RGS7: variants seen among roughly 807,000 people sequenced by gnomAD.
RGS7 encodes the protein regulator of G-protein signaling 7.
RGS7 carries 27 observed loss-of-function variants against 81.1 expected under a neutral mutation model. That is an observed-to-expected ratio of 0.33 (90% confidence interval 0.25 to 0.46). The LOEUF (loss-of-function observed/expected upper bound fraction) is 0.46. Ranked by LOEUF, RGS7 falls within the 20% of genes least tolerant of loss-of-function variation. The probability of loss-of-function intolerance (pLI) is 1.00; values close to 1 mark genes in which losing one functional copy is unlikely to be tolerated. For missense variants in RGS7, 396 were observed against 607.4 expected, an observed-to-expected ratio of 0.65 and a Z score of 3.66; for synonymous variants, 208 against 207.7, an observed-to-expected ratio of 1.00 and a Z score of -0.01.
intron 9 of RGS7, among the ~76,000 whole-genome samples, chr1:240,850,992 A>C (rs1011123592): frequency 4.6e-5 from 7 of 152,194 alleles, no homozygotes; most frequent in African/African-American, 9.6e-5. Context: ...CATAACATAA[A>C]AGTGCAAGAT....
At chr1:241,206,517 T>C (rs550200845) in intron 2 of RGS7, among the ~76,000 whole-genome samples, 3 of 152,216 alleles carry the variant, frequency 2.0e-5, no homozygotes, top group East Asian at 3.9e-4. Context: ...ACCAGATGGC[T>C]TCATTCTTCT....
intron 12 of RGS7, among the ~76,000 whole-genome samples, chr1:240,814,164 T>A (rs1572213254): frequency 6.6e-6 from 1 of 152,332 alleles, no homozygotes; most frequent in African/African-American, 2.4e-5. Flanking sequence ...ACAAGTTTTT[T>A]AAATGTATAT....
chr1:241,155,554 A>T (rs1204774190), intron 2 of RGS7, among the ~76,000 whole-genome samples: 1 of 150,232 alleles, frequency 6.7e-6, no homozygotes, highest in African/African-American at 2.5e-5. Flanking sequence ...CATTGTTCAA[A>T]ATTTATGCTC....
chr1:240,802,858 A>C, intron 16 of RGS7, 46 bp downstream of exon 16: 1 of 1,202,630 alleles, frequency 8.3e-7, no homozygotes, highest in Non-Finnish European at 1.2e-6. Context: ...AAATAATTAT[A>C]ACTGAGAACT....
At chr1:240,922,784 A>G (rs993863837) in intron 6 of RGS7, among the ~76,000 whole-genome samples, 1 of 152,162 alleles carries the variant, frequency 6.6e-6, no homozygotes, top group Non-Finnish European at 1.5e-5. Flanking sequence ...AAAATAGTGT[A>G]GCCACTTTGG....
At chr1:241,049,651 C>T (rs867465132) in intron 3 of RGS7, among the ~76,000 whole-genome samples, 5 of 152,072 alleles carry the variant, frequency 3.3e-5, no homozygotes, top group Admixed American at 2.0e-4. Context: ...GTATGTTGGA[C>T]GAACTGTTGG....
At position 240,933,219 on chromosome 1, in the gene RGS7, G is replaced by A. The variant is rs184303788; in HGVS notation, c.334-2451C>T. Among the ~76,000 whole-genome samples, 27 of 151,768 alleles carry A rather than the reference G, an allele frequency of 1.8e-4. No homozygotes were observed. In the Middle Eastern group the frequency reaches 0.014, roughly 76 times the overall value. On this transcript the variant is annotated intron_variant, in intron 5 of 18. Transcript: ENST00000440928. ...TGAGATGCTTCTTACGGAGTGCATT[G>A]TTCCCTCTGGGTAGTTTCTATATTT...
intron 2 of RGS7, among the ~76,000 whole-genome samples, chr1:241,272,767 C>T (rs770019555): frequency 1.3e-5 from 2 of 152,116 alleles, no homozygotes; most frequent in Non-Finnish European, 2.9e-5. Flanking sequence ...CTCTATTTTG[C>T]AAATTGGATA....
intron 18 of RGS7, among the ~76,000 whole-genome samples, chr1:240,787,661 T>C (rs567521875): frequency 6.5e-4 from 99 of 152,202 alleles, no homozygotes; most frequent in African/African-American, 2.4e-3. Flanking sequence ...AAAGACTGAG[T>C]AACAAAGAAA....
intron 6 of RGS7, among the ~76,000 whole-genome samples, chr1:240,888,320 G>A (rs1486832813): frequency 6.6e-6 from 1 of 152,144 alleles, no homozygotes; most frequent in East Asian, 1.9e-4. Flanking sequence ...ACAGTAAAGG[G>A]GTCTTATGTG....
At chr1:240,904,164 C>T (rs1007779223) in intron 6 of RGS7, among the ~76,000 whole-genome samples, 3 of 152,068 alleles carry the variant, frequency 2.0e-5, no homozygotes, top group Non-Finnish European at 2.9e-5. Context: ...AAGTCATTCC[C>T]TGTTTTTGGG....
intron 2 of RGS7, among the ~76,000 whole-genome samples, chr1:241,342,050 T>G (rs12128729): frequency 0.12 from 18,954 of 151,660 alleles, 1,380 homozygotes; most frequent in South Asian, 0.22. Flanking sequence ...AATTTTGTAT[T>G]TTTAGTAAAG....
intron 2 of RGS7, among the ~76,000 whole-genome samples, chr1:241,349,511 G>T (rs2083105788): frequency 6.6e-6 from 1 of 152,230 alleles, no homozygotes; most frequent in African/African-American, 2.4e-5. Flanking sequence ...TTGAGTTCAT[G>T]ATTGCCTGTT....
At chr1:241,241,141 C>T (rs6699153) in intron 2 of RGS7, among the ~76,000 whole-genome samples, 97,556 of 151,734 alleles carry the variant, frequency 0.64, 31,510 homozygotes, top group Middle Eastern at 0.68. Context: ...GAGGAAACCA[C>T]CACTAGAGGG....
At position 241,095,131 on chromosome 1, in the gene RGS7, C is replaced by CA. The variant is rs549455591; in HGVS notation, c.175+3534dup. 3.3e-5 allele frequency among the ~76,000 whole-genome samples: 5 copies of CA among 152,212 alleles called. No individual in the cohort carries two copies. In the South Asian group the frequency reaches 6.2e-4, roughly 19 times the overall value. ...CTTCAAAGAAAAAGATTGGCACAAG[C>CA]AAGGTGGCCACTGATCCCAGAGCTC... On this transcript the variant is annotated intron_variant, in intron 3 of 18. Transcript: ENST00000440928.
At chr1:241,276,836 T>G (rs1271311053) in intron 2 of RGS7, among the ~76,000 whole-genome samples, 1 of 152,262 alleles carries the variant, frequency 6.6e-6, no homozygotes, top group East Asian at 1.9e-4. Context: ...AGAATTTTTC[T>G]TGAATAAACA....
chr1:240,777,825 C>T (rs564434274), intron 18 of RGS7, among the ~76,000 whole-genome samples: 3 of 152,040 alleles, frequency 2.0e-5, no homozygotes, highest in Admixed American at 6.6e-5. Context: ...AATGACCTTC[C>T]AAAGGCCCTA....
chr1:241,102,536 T>G (rs1164813294), intron 2 of RGS7, among the ~76,000 whole-genome samples: 1 of 152,222 alleles, frequency 6.6e-6, no homozygotes, highest in Non-Finnish European at 1.5e-5. Flanking sequence ...AAAGCTAAAA[T>G]GAGATCAGTC....
intron 18 of RGS7, among the ~76,000 whole-genome samples, chr1:240,793,853 C>T (rs1686530540): frequency 6.6e-6 from 1 of 151,784 alleles, no homozygotes; most frequent in African/African-American, 2.4e-5. Flanking sequence ...ACCTTGTGAT[C>T]AGTCCGCCTC....
Sources: allele counts gnomAD v4.1 joint callset (sites outside exome capture counted in the v4.1 genomes callset), GRCh38; gene constraint gnomAD v4.1.1; transcripts MANE v1.5; gene names NCBI Gene and HGNC (gene_info 2026-07-23, HGNC 2026-07-21).